SERPINA5: variants seen among roughly 807,000 people sequenced by gnomAD.
The protein encoded by SERPINA5 is serpin family A member 5, also known as plasma serine protease inhibitor.
In SERPINA5, 25 loss-of-function variants were observed where a neutral mutation model predicts 25.3. The ratio of observed to expected loss-of-function variants is 0.99; its 90% CI spans 0.72 to 1.38. SERPINA5 has a LOEUF of 1.38. Ranked by LOEUF, SERPINA5 falls within the 40% of genes most tolerant of loss-of-function variation. The probability of loss-of-function intolerance (pLI) is 0.00; values close to 1 mark genes in which losing one functional copy is unlikely to be tolerated. For missense variants in SERPINA5, 599 were observed against 509.5 expected, an observed-to-expected ratio of 1.18 and a Z score of -1.69; for synonymous variants, 234 against 206.2, an observed-to-expected ratio of 1.14 and a Z score of -1.16.
chr14:94,581,553 A>G (rs1002448055), intron 1 of SERPINA5, 62 bp from the exon 2 acceptor site: 2 of 152,296 alleles, frequency 1.3e-5, no homozygotes, highest in African/African-American at 4.8e-5. Flanking sequence ...CGAGGAGAGG[A>G]TGGACTCTAG....
At chr14:94,591,041 A>G in intron 5 of SERPINA5, 145 bp downstream of exon 5, 2 of 360,240 alleles carry the variant, frequency 5.6e-6, no homozygotes, top group Non-Finnish European at 9.7e-6. Flanking sequence ...ATTCAATTCC[A>G]CTCCACTCCA....
chr14:94,581,473 A>G lies in SERPINA5; in HGVS notation c.-131A>G, dbSNP rs8019792. On this transcript the variant is annotated 5_prime_UTR_variant, in exon 1 of 6. Coordinates refer to ENST00000329597, the MANE Select transcript of SERPINA5 (RefSeq NM_000624.6). ...GGACTGCCACCTCCACTGTGTGCACACTCAGCTACGGGACACAGTAAGTAC... is the reference window on the plus strand; with the variant it reads ...GGACTGCCACCTCCACTGTGTGCACGCTCAGCTACGGGACACAGTAAGTAC... 0.3 allele frequency: 44,974 copies of G among 152,074 alleles called. 6,918 individuals are homozygous for G. Among genetic ancestry groups the G allele is most frequent in the South Asian group, 0.34 (1,650 of 4,814 alleles). The allele number at this position is 152,074 out of a possible 1,614,324, so 9.4% of individuals were successfully genotyped here.
Position 94,592,445 on chromosome 14 carries a change from TC to T in SERPINA5, c.*207del. On this transcript the variant is annotated 3_prime_UTR_variant, in exon 6 of 6. Transcript: ENST00000329597. ...TTGGGGAAATGTGGAGAACATTCAA[TC>T]TTGCCGTCACTATTCATCAATGAAG... 1 of 544,658 alleles carries T rather than the reference TC, an allele frequency of 1.8e-6. No individual in the cohort carries two copies. The highest frequency in any genetic ancestry group is 2.7e-5 in the South Asian group (1 of 37,730). 33.7% of individuals were successfully genotyped at this position (544,658 alleles called of 1,614,324 possible).
intron 4 of SERPINA5, 175 bp from the exon 5 acceptor site, chr14:94,590,574 A>G: frequency 2.4e-6 from 2 of 827,608 alleles, no homozygotes; most frequent in East Asian, 5.5e-5. Flanking sequence ...GAGCAAGGGG[A>G]GGCTCATCCT....
chr14:94,582,677 A>G (rs533300504), intron 2 of SERPINA5, among the ~76,000 whole-genome samples: 1 of 152,308 alleles, frequency 6.6e-6, no homozygotes, highest in South Asian at 2.1e-4. Context: ...CATTCATTCT[A>G]CAAAGGTTTA....
In SERPINA5 at chr14:94,587,435, C is replaced by T. The variant is rs147082271; in HGVS notation, c.73C>T (p.Arg25Trp). ...QGASLHRHHP[R>W]EMKKRVEDLH... Reference sequence around the variant, plus strand: ...GGCCTCCCTTCACCGCCACCACCCCCGGGAGATGAAGAAGAGAGTCGAGGA... The same window carrying T: ...GGCCTCCCTTCACCGCCACCACCCCTGGGAGATGAAGAAGAGAGTCGAGGA... The change falls in exon 3 of 6, where the codon CGG becomes TGG. Residue 25 changes from arginine (R) to tryptophan (W), a missense_variant. Coordinates refer to ENST00000329597, the MANE Select transcript of SERPINA5 (RefSeq NM_000624.6). 437 of 1,614,024 alleles carry T rather than the reference C, an allele frequency of 2.7e-4. No homozygotes were observed. The highest frequency in any genetic ancestry group is 3.4e-4 in the Non-Finnish European group (402 of 1,180,012).
chr14:94,587,608 G>T lies in SERPINA5; in HGVS notation c.246G>T (p.Gly82=). 6.2e-7 allele frequency: 1 copy of T among 1,614,088 alleles called. No homozygotes were observed. The highest frequency in any genetic ancestry group is 8.5e-7 in the Non-Finnish European group (1 of 1,179,978). ...TGAGCCTGGCCATGCTCTCCCTGGG[G>T]GCTGGGTCCAGCACAAAGATGCAGA... ...ISMSLAMLSL[G]AGSSTKMQIL... Residue 82 remains glycine (G), a synonymous_variant, in exon 3 of 6, where the codon GGG becomes GGT. Coordinates refer to ENST00000329597, the MANE Select transcript of SERPINA5 (RefSeq NM_000624.6).
rs374288462 is a variant in SERPINA5 at position 94,587,536 on chromosome 14, C to G, written c.174C>G (p.Ser58=). 12 of 1,613,768 alleles carry G rather than the reference C, an allele frequency of 7.4e-6. No homozygotes were observed. Among genetic ancestry groups the G allele is most frequent in the Non-Finnish European group, 1.0e-5 (12 of 1,179,716 alleles). The change falls in exon 3 of 6, where the codon TCC becomes TCG. Residue 58 remains serine, a synonymous_variant. Transcript: ENST00000329597. ...FTFDLYRALA[S]AAPSQSIFFS... is the part of the protein sequence containing the mutation. The stretch of plus-strand genomic sequence containing the variant: ...TTGACCTCTACAGGGCCTTGGCTTC[C>G]GCTGCCCCCAGCCAGAGCATCTTCT...
At position 94,586,180 on chromosome 14, in the gene SERPINA5, G is replaced by A. The variant is rs2069960; in HGVS notation, c.-17-1166G>A. Among the ~76,000 whole-genome samples, 251 of 152,280 alleles carry A rather than the reference G, an allele frequency of 1.6e-3. 1 individual carries two copies. The highest frequency in any genetic ancestry group is 5.6e-3 in the African/African-American group (233 of 41,544). On this transcript the variant is annotated intron_variant, in intron 2 of 5. Coordinates refer to ENST00000329597, the MANE Select transcript of SERPINA5 (RefSeq NM_000624.6). ...GAGGAGGACTGAAGGCCAAGGCCAC[G>A]TCAGGAGTGATGGGAGACCCCACAA... is the stretch of plus-strand genomic sequence containing the variant.
intron 3 of SERPINA5, among the ~76,000 whole-genome samples, chr14:94,589,583 T>A (rs141003869): frequency 6.6e-6 from 1 of 152,228 alleles, no homozygotes; most frequent in Non-Finnish European, 1.5e-5. Context: ...GACTTCCCAA[T>A]GGGAAAAACC....
Position 94,590,030 on chromosome 14 carries a change from T to C in SERPINA5, c.620-11T>C. 6.4e-7 allele frequency: 1 copy of C among 1,557,272 alleles called. No homozygotes were observed. On this transcript the variant is annotated splice_polypyrimidine_tract_variant and intron_variant, in intron 3 of 5. Coordinates refer to ENST00000329597, the MANE Select transcript of SERPINA5 (RefSeq NM_000624.6). ...AAATTCTTTTTCATTTTTCCCTTTT[T>C]TCATCTTTAGCTAAGTGGGAGACAA...
chr14:94,590,360 G>A (rs1204188240), intron 4 of SERPINA5, 49 bp downstream of exon 4: 4 of 1,536,154 alleles, frequency 2.6e-6, no homozygotes, highest in South Asian at 2.6e-5. Flanking sequence ...CAGCCCCAGG[G>A]AGACACACAC....
chr14:94,587,070 T>C, intron 2 of SERPINA5: 1 of 387,668 alleles, frequency 2.6e-6, no homozygotes, highest in South Asian at 4.7e-5. Context: ...TCCCTTGATG[T>C]GGATGGGTAG....
chr14:94,592,531 G>C lies in SERPINA5; in HGVS notation c.*292G>C, dbSNP rs1481378716. 2 of 323,688 alleles carry C rather than the reference G, an allele frequency of 6.2e-6. No homozygotes were observed. Among genetic ancestry groups the C allele is most frequent in the African/African-American group, 4.2e-5 (2 of 47,146 alleles). The allele number at this position is 323,688 out of a possible 1,614,324, so 20.1% of individuals were successfully genotyped here. On this transcript the variant is annotated 3_prime_UTR_variant, in exon 6 of 6. Transcript: ENST00000329597. ...GCTCAAGTTCACCAGCATGGTAGTG[G>C]CAAAGAGAGGTCCAGAGTCCTGGCC...
intron 2 of SERPINA5, among the ~76,000 whole-genome samples, chr14:94,586,123 G>A (rs763288174): frequency 6.6e-6 from 1 of 152,158 alleles, no homozygotes; most frequent in Non-Finnish European, 1.5e-5. Flanking sequence ...CATGGGCACA[G>A]GAACGGCTCT....
intron 3 of SERPINA5, among the ~76,000 whole-genome samples, chr14:94,588,773 A>G (rs1885180339): frequency 6.6e-6 from 1 of 152,176 alleles, no homozygotes; most frequent in Non-Finnish European, 1.5e-5. Context: ...GTCCAGGATC[A>G]AGGCACTGGC....
chr14:94,590,576 G>A lies in SERPINA5; in HGVS notation c.891-173G>A, dbSNP rs995850266. 4 of 841,888 alleles carry A rather than the reference G, an allele frequency of 4.8e-6. No homozygotes were observed. In the African/African-American group the frequency reaches 5.2e-5, roughly 11 times the overall value. The allele number at this position is 841,888 out of a possible 1,614,324, so 52.2% of individuals were successfully genotyped here. On this transcript the variant is annotated intron_variant, in intron 4 of 5. Transcript: ENST00000329597. ...ACGTCCAAGTCCAGAGCAAGGGGAG[G>A]CTCATCCTAGAAAAGAGGCCAGAGG...
intron 2 of SERPINA5, among the ~76,000 whole-genome samples, chr14:94,586,068 G>T (rs1444819032): frequency 6.6e-6 from 1 of 152,164 alleles, no homozygotes; most frequent in Non-Finnish European, 1.5e-5. Context: ...GTTTCCTACT[G>T]CAGAGGGAGG....
At chr14:94,586,423 G>A (rs1323008928) in intron 2 of SERPINA5, among the ~76,000 whole-genome samples, 1 of 152,124 alleles carries the variant, frequency 6.6e-6, no homozygotes, top group Non-Finnish European at 1.5e-5. Context: ...TGGCTCACAG[G>A]TGGCTGCCTT....
Sources: gnomAD v4.1 joint callset for allele counts (sites outside exome capture counted in the v4.1 genomes callset) on GRCh38, gnomAD v4.1.1 for gene constraint, MANE v1.5 for transcripts, NCBI Gene and HGNC (gene_info 2026-07-23, HGNC 2026-07-21) for gene names.